Variants in PTPRD observed in about 807,000 individuals in gnomAD.
The protein encoded by PTPRD is receptor-type tyrosine-protein phosphatase delta.
In PTPRD, 34 loss-of-function variants were observed where a neutral mutation model predicts 214.5. The observed-to-expected ratio is 0.16, with a 90% CI of 0.12 to 0.21. The LOEUF is 0.21. PTPRD is among the 10% of genes least tolerant of loss of function. The pLI, the probability that PTPRD is intolerant of heterozygous loss-of-function variation, is 1.00. For missense variants in PTPRD, 2,545 were observed against 2,398.7 expected (o/e 1.06, Z -1.27); for synonymous variants, 1,128 against 845.7 (o/e 1.33, Z -5.79).
chr9:8,475,665 CACT>C (rs1364338797), intron 30 of PTPRD, among the ~76,000 whole-genome samples: 1 of 152,156 alleles, frequency 6.6e-6, no homozygotes, highest in Non-Finnish European at 1.5e-5. Context: ...CCTAACATTG[CACT>C]ACAATCCATT....
Position 10,038,706 on chromosome 9 carries a change from G to A in PTPRD, c.-544-4916C>T, listed in dbSNP as rs934616096. Among the ~76,000 whole-genome samples the A allele has an allele frequency of 5.9e-5, 9 of 152,126 alleles. No individual in the cohort carries two copies. The East Asian group carries it at 1.5e-3, about 26-fold the overall frequency. ...ACACCTTGAAAATATTTGCCCAGTT[G>A]CACAAATCAGATAATTTGGACTCAC... On this transcript the variant is annotated intron_variant, in intron 3 of 45. Coordinates refer to ENST00000381196, the MANE Select transcript of PTPRD (RefSeq NM_002839.4).
intron 4 of PTPRD, among the ~76,000 whole-genome samples, chr9:10,001,622 G>A (rs115902981): frequency 0.018 from 2,714 of 152,124 alleles, 84 homozygotes; most frequent in African/African-American, 0.062. Context: ...TGAAGAAAAA[G>A]ACTATCACAT....
At chr9:9,300,509 C>A (rs1490773974) in intron 9 of PTPRD, among the ~76,000 whole-genome samples, 1 of 151,736 alleles carries the variant, frequency 6.6e-6, no homozygotes, top group Non-Finnish European at 1.5e-5. Context: ...CCCCCAAATT[C>A]ATGTGTTGAA....
intron 3 of PTPRD, among the ~76,000 whole-genome samples, chr9:10,069,272 T>C (rs1054366278): frequency 1.3e-5 from 2 of 151,932 alleles, no homozygotes; most frequent in African/African-American, 2.4e-5. Context: ...GGCAACAAGG[T>C]CAATGAGTCT....
intron 2 of PTPRD, among the ~76,000 whole-genome samples, chr9:10,407,317 A>G (rs1443040135): frequency 6.6e-6 from 1 of 151,620 alleles, no homozygotes. Context: ...ATATACACAT[A>G]AGAAATGCCA....
intron 11 of PTPRD, among the ~76,000 whole-genome samples, chr9:8,764,150 C>A (rs2094566994): frequency 6.6e-6 from 1 of 152,156 alleles, no homozygotes; most frequent in South Asian, 2.1e-4. Context: ...AAGTCTCAGT[C>A]CTCTATGGTT....
rs186589038 is a variant in PTPRD, at chr9:9,920,021, G to A, written c.-368+18486C>T. ...TCATCATAATCAAAGATCTTTTCTT[G>A]AGGTTACAATAAACGGGATTTAACC... On this transcript the variant is annotated intron_variant, in intron 5 of 45. Transcript: ENST00000381196. 5.4e-4 allele frequency among the ~76,000 whole-genome samples: 82 copies of A among 151,782 alleles called. No individual in the cohort carries two copies. In the East Asian group the frequency reaches 0.014, roughly 27 times the overall value.
At chr9:8,813,032 A>G (rs1260559217) in intron 11 of PTPRD, among the ~76,000 whole-genome samples, 1 of 135,208 alleles carries the variant, frequency 7.4e-6, no homozygotes, top group African/African-American at 2.8e-5. Flanking sequence ...AACTGAGAAA[A>G]TAGGATCTAC....
chr9:9,241,602 T>A (rs1439685147), intron 9 of PTPRD, among the ~76,000 whole-genome samples: 1 of 151,960 alleles, frequency 6.6e-6, no homozygotes, highest in Non-Finnish European at 1.5e-5. Flanking sequence ...TGTCCCTTTG[T>A]CTTCTTTGTC....
intron 14 of PTPRD, among the ~76,000 whole-genome samples, chr9:8,536,274 A>G (rs898288907): frequency 2.3e-4 from 35 of 151,942 alleles, no homozygotes; most frequent in Non-Finnish European, 3.5e-4. Flanking sequence ...TGGGACAACA[A>G]AAGAGTTTGA....
intron 9 of PTPRD, among the ~76,000 whole-genome samples, chr9:9,337,296 G>A (rs886866837): frequency 6.6e-6 from 1 of 152,082 alleles, no homozygotes; most frequent in African/African-American, 2.4e-5. Flanking sequence ...CAGGGTAAAG[G>A]GAAAATCTGA....
At chr9:8,465,219 C>T (rs149269039) in intron 32 of PTPRD, among the ~76,000 whole-genome samples, 192 of 152,024 alleles carry the variant, frequency 1.3e-3, no homozygotes, top group African/African-American at 4.3e-3. Context: ...CATGTCCTAT[C>T]GATCTGGAAC....
intron 6 of PTPRD, among the ~76,000 whole-genome samples, chr9:9,759,644 A>G (rs1274861357): frequency 1.4e-5 from 2 of 141,258 alleles, no homozygotes; most frequent in Non-Finnish European, 3.0e-5. Flanking sequence ...TGCAACCTCT[A>G]CCTCCCAGGT....
chr9:9,195,178 G>A (rs955171163), intron 9 of PTPRD, among the ~76,000 whole-genome samples: 1 of 150,470 alleles, frequency 6.6e-6, no homozygotes, highest in African/African-American at 2.4e-5. Context: ...AAGCTGACAT[G>A]GTGTTAGCCC....
At chr9:9,880,633 G>T (rs1161550764) in intron 5 of PTPRD, among the ~76,000 whole-genome samples, 1 of 152,144 alleles carries the variant, frequency 6.6e-6, no homozygotes, top group Admixed American at 6.6e-5. Flanking sequence ...GGGACTCTGT[G>T]TGTGTTGTGT....
At chr9:9,858,548 C>A (rs1221735973) in intron 5 of PTPRD, among the ~76,000 whole-genome samples, 2 of 152,158 alleles carry the variant, frequency 1.3e-5, no homozygotes, top group Non-Finnish European at 2.9e-5. Flanking sequence ...ATTATGGCAC[C>A]TTTTCCACCA....
intron 3 of PTPRD, among the ~76,000 whole-genome samples, chr9:10,278,037 G>A (rs10959010): frequency 0.14 from 20,894 of 151,852 alleles, 1,648 homozygotes; most frequent in Non-Finnish European, 0.18. Context: ...GCGGACGCCT[G>A]TAGTCCCAGC....
At chr9:10,524,608 T>C (rs1408146464) in intron 2 of PTPRD, among the ~76,000 whole-genome samples, 1 of 152,062 alleles carries the variant, frequency 6.6e-6, no homozygotes, top group Non-Finnish European at 1.5e-5. Context: ...CATTTTTCAA[T>C]AAGGATATGT....
chr9:8,662,280 A>C (rs534164342), intron 12 of PTPRD, among the ~76,000 whole-genome samples: 2 of 152,154 alleles, frequency 1.3e-5, no homozygotes, highest in Non-Finnish European at 2.9e-5. Flanking sequence ...GTTACTGGGG[A>C]AACGGGGTCA....
Sources: gnomAD v4.1 joint callset for allele counts (sites outside exome capture counted in the v4.1 genomes callset) on GRCh38, gnomAD v4.1.1 for gene constraint, MANE v1.5 for transcripts, NCBI Gene and HGNC (gene_info 2026-07-23, HGNC 2026-07-21) for gene names.